HMGB3: variants seen among roughly 807,000 people sequenced by gnomAD.
The protein encoded by HMGB3 is high mobility group protein B3.
A neutral mutation model predicts 12.9 loss-of-function variants in HMGB3; 1 was observed. That is an observed-to-expected ratio of 0.08 (90% CI 0.03 to 0.37). The LOEUF is 0.37. Ranked by LOEUF, HMGB3 falls within the 10% of genes least tolerant of loss-of-function variation. HMGB3 has a pLI of 0.99. For missense variants in HMGB3, 74 were observed against 153.3 expected, an observed-to-expected ratio of 0.48 and a Z score of 2.73; for synonymous variants, 61 against 53.9, an observed-to-expected ratio of 1.13 and a Z score of -0.57.
In HMGB3 at chrX:150,983,336, C is replaced by T. The variant is rs1557425126; in HGVS notation, c.-46C>T. ...CGCGAGGCTGGGGAGCGCTGAGCCG[C>T]GCGTCGTGCCCTGCGCTGCCCAGAC... On this transcript the variant is annotated 5_prime_UTR_variant, in exon 1 of 5. Transcript: ENST00000325307. 17 of 753,470 alleles carry T rather than the reference C, an allele frequency of 2.3e-5. No homozygotes were observed. Among genetic ancestry groups the T allele is most frequent in the Non-Finnish European group, 2.0e-5 (13 of 639,167 alleles). The allele number at this position is 753,470 out of a possible 1,213,427, so 62.1% of individuals were successfully genotyped here. A position where few individuals can be genotyped will look rare whatever the true frequency, so the allele number is the denominator to read the frequency against.
chrX:150,987,732 TA>T, intron 4 of HMGB3, 44 bp from the exon 5 acceptor site: 1 of 1,087,422 alleles, frequency 9.2e-7, no homozygotes, highest in Non-Finnish European at 1.3e-6. Flanking sequence ...TACTTTGTGT[TA>T]AAACAGCCGC....
At chrX:150,985,775 C>T in intron 2 of HMGB3, 26 bp downstream of exon 2, 1 of 1,177,787 alleles carries the variant, frequency 8.5e-7, no homozygotes, top group Non-Finnish European at 1.1e-6. Flanking sequence ...ACCCTTCAAA[C>T]TAGTCTTAGT....
At chrX:150,984,566 T>C in intron 1 of HMGB3, 4 of 744,635 alleles carry the variant, frequency 5.4e-6, no homozygotes, top group Non-Finnish European at 6.3e-6. Flanking sequence ...CCCCCGGGGA[T>C]GACAGCGGCG....
chrX:150,980,903 C>T (rs2047989041), upstream of HMGB3, among the ~76,000 whole-genome samples: 1 of 112,849 alleles, frequency 8.9e-6, no homozygotes, highest in African/African-American at 3.2e-5. Context: ...CCCTGGTTCC[C>T]CCACCAAGGT....
intron 1 of HMGB3, chrX:150,984,635 G>T: frequency 1.4e-6 from 1 of 705,850 alleles, no homozygotes. Context: ...GGTGAATTAC[G>T]GGTGTCCCGG....
intron 2 of HMGB3, 54 bp from the exon 3 acceptor site, chrX:150,985,997 G>C (rs2048048516): frequency 3.5e-6 from 4 of 1,157,745 alleles, no homozygotes; most frequent in Non-Finnish European, 4.6e-6. Context: ...ACAAGAAACT[G>C]AATAGGTATG....
At chrX:150,980,512 G>T (rs1557425065), upstream of HMGB3, 1 of 308,790 alleles carries the variant, frequency 3.2e-6, no homozygotes, top group Non-Finnish European at 4.3e-6. Context: ...TGACCAGTTT[G>T]TAGTTCAGCT....
At position 150,986,529 on chromosome X, in the gene HMGB3, C is replaced by T. The variant is rs185616411; in HGVS notation, c.290+339C>T. Among the ~76,000 whole-genome samples, 983 of 109,463 alleles carry T rather than the reference C, an allele frequency of 9.0e-3. 18 individuals carry two copies. Among genetic ancestry groups the T allele is most frequent in the African/African-American group, 0.029 (874 of 30,045 alleles). ...CCTAGTAATTGAAAGACTGGGACAG[C>T]ACCATATATATATGCGCGTATATAT... is the stretch of plus-strand genomic sequence containing the variant. On this transcript the variant is annotated intron_variant, in intron 3 of 4. Transcript: ENST00000325307.
chrX:150,983,390 C>T lies in HMGB3; in HGVS notation c.-6+14C>T. ...CGAACAATACAGGTACGTCTCGCAC[C>T]GCCCGCTCCCGCCGCCGCCGCCGCC... is the stretch of plus-strand genomic sequence containing the variant. On this transcript the variant is annotated intron_variant, in intron 1 of 4. Coordinates refer to ENST00000325307, the MANE Select transcript of HMGB3 (RefSeq NM_005342.4). 1 of 747,448 alleles carries T rather than the reference C, an allele frequency of 1.3e-6. No individual in the cohort carries two copies. 61.6% of individuals were successfully genotyped at this position (747,448 alleles called of 1,213,427 possible).
chrX:150,981,240 G>A (rs1160972227), upstream of HMGB3, among the ~76,000 whole-genome samples: 1 of 108,388 alleles, frequency 9.2e-6, no homozygotes, highest in Non-Finnish European at 1.9e-5. Flanking sequence ...TGGAGATGTT[G>A]ACCTTAAGGC....
intron 1 of HMGB3, 123 bp downstream of exon 1, chrX:150,983,499 G>A: frequency 1.4e-6 from 1 of 734,514 alleles, no homozygotes; most frequent in South Asian, 6.6e-5. Flanking sequence ...AGCGCGCCCT[G>A]CCGCCGCCTC....
At position 150,988,774 on chromosome X, in the gene HMGB3, T is replaced by A. The variant is rs782175208; in HGVS notation, c.*860T>A. The A allele has an allele frequency of 8.9e-6, 1 of 112,180 alleles. No individual in the cohort carries two copies. Among genetic ancestry groups the A allele is most frequent in the Non-Finnish European group, 1.9e-5 (1 of 53,249 alleles). The allele number at this position is 112,180 out of a possible 1,213,427, so 9.2% of individuals were successfully genotyped here. ...AACAGTATTACATTTTTAAAACTCT[T>A]CTCTATTATAACAGTCAATTTCTGA... On this transcript the variant is annotated 3_prime_UTR_variant, in exon 5 of 5. Coordinates refer to ENST00000325307, the MANE Select transcript of HMGB3 (RefSeq NM_005342.4).
At chrX:150,986,367 G>A (rs1344839431) in intron 3 of HMGB3, among the ~76,000 whole-genome samples, 177 bp downstream of exon 3, 1 of 109,685 alleles carries the variant, frequency 9.1e-6, no homozygotes, top group Non-Finnish European at 1.9e-5. Flanking sequence ...CAGTGCCAGC[G>A]TTGTCTGTGG....
At chrX:150,984,564 G>A in intron 1 of HMGB3, 1 of 745,057 alleles carries the variant, frequency 1.3e-6, no homozygotes, top group African/African-American at 2.3e-5. Flanking sequence ...GTCCCCCGGG[G>A]ATGACAGCGG....
intron 1 of HMGB3, chrX:150,984,563 G>C (rs2048031511): frequency 1.3e-6 from 1 of 741,578 alleles, no homozygotes; most frequent in South Asian, 6.9e-5. Flanking sequence ...CGTCCCCCGG[G>C]GATGACAGCG....
In HMGB3 at chrX:150,989,649, C is replaced by G. The variant is rs1366734992; in HGVS notation, c.*1735C>G. 9.0e-6 allele frequency: 1 copy of G among 111,624 alleles called. No individual in the cohort carries two copies. Among genetic ancestry groups the G allele is most frequent in the African/African-American group, 3.3e-5 (1 of 30,685 alleles). 9.2% of individuals were successfully genotyped at this position (111,624 alleles called of 1,213,427 possible). A position where few individuals can be genotyped will look rare whatever the true frequency, so the allele number is the denominator to read the frequency against. On this transcript the variant is annotated 3_prime_UTR_variant, in exon 5 of 5. Coordinates refer to ENST00000325307, the MANE Select transcript of HMGB3 (RefSeq NM_005342.4). ...AGGCTGATGTGTATATACATCATTA[C>G]TGTCCGTAGCAATGAAGGATACAGT...
chrX:150,982,255 A>C (rs1295044561), upstream of HMGB3, among the ~76,000 whole-genome samples: 2 of 111,451 alleles, frequency 1.8e-5, no homozygotes, highest in African/African-American at 6.5e-5. Flanking sequence ...CCTTCCTCTT[A>C]TTGAATTCCA....
chrX:150,980,816 G>A (rs1167245268), upstream of HMGB3, among the ~76,000 whole-genome samples: 2 of 112,654 alleles, frequency 1.8e-5, no homozygotes, highest in Non-Finnish European at 3.8e-5. Context: ...GCCCATACGT[G>A]AGTACGTGTA....
At chrX:150,985,416 A>G (rs2048042288) in intron 1 of HMGB3, 179 bp from the exon 2 acceptor site, 1 of 365,002 alleles carries the variant, frequency 2.7e-6, no homozygotes, top group Non-Finnish European at 4.8e-6. Context: ...GACAAGCGAC[A>G]ATGAAGCTGA....
Sources: allele counts gnomAD v4.1 joint callset (sites outside exome capture counted in the v4.1 genomes callset), GRCh38; gene constraint gnomAD v4.1.1; transcripts MANE v1.5; gene names NCBI Gene and HGNC (gene_info 2026-07-23, HGNC 2026-07-21).